Variants in CNTNAP2 observed in about 807,000 individuals in gnomAD.
CNTNAP2 encodes contactin-associated protein-like 2.
CNTNAP2 carries 98 observed loss-of-function variants against 155.2 expected under a neutral mutation model. That is an observed-to-expected ratio of 0.63 (90% CI 0.54 to 0.75). CNTNAP2 has a LOEUF of 0.75. Among genes scored for constraint, CNTNAP2 ranks in the 30% least tolerant of loss-of-function variants. The pLI, the probability that CNTNAP2 is intolerant of heterozygous loss-of-function variation, is 0.00. For missense variants in CNTNAP2, 1,727 were observed against 1,688.1 expected, an observed-to-expected ratio of 1.02 and a Z score of -0.40; for synonymous variants, 651 against 631.2, an observed-to-expected ratio of 1.03 and a Z score of -0.47.
At chr7:147,983,434 A>T (rs903638303) in intron 15 of CNTNAP2, among the ~76,000 whole-genome samples, 83 of 145,138 alleles carry the variant, frequency 5.7e-4, no homozygotes, top group African/African-American at 2.0e-3. Context: ...TACTGTTGAC[A>T]AAAAAAAAAT....
At chr7:146,622,956 CAAAAA>C (rs1285951271) in intron 1 of CNTNAP2, among the ~76,000 whole-genome samples, 1 of 83,202 alleles carries the variant, frequency 1.2e-5, no homozygotes, top group Non-Finnish European at 2.5e-5. Context: ...GACTCCATCT[CAAAAA>C]AAAAAAAGAA....
intron 10 of CNTNAP2, among the ~76,000 whole-genome samples, chr7:147,414,740 G>C (rs1249146781): frequency 1.3e-5 from 2 of 151,860 alleles, no homozygotes; most frequent in African/African-American, 2.4e-5. Context: ...AGGAGATCGA[G>C]ACTATCCTGG....
intron 21 of CNTNAP2, among the ~76,000 whole-genome samples, chr7:148,380,086 C>CTGAT (rs1320196122): frequency 5.3e-5 from 8 of 152,162 alleles, no homozygotes; most frequent in Non-Finnish European, 7.3e-5. Flanking sequence ...CATTAACGTA[C>CTGAT]TGATTGCCAC....
intron 2 of CNTNAP2, among the ~76,000 whole-genome samples, chr7:146,838,165 T>C (rs541662289): frequency 5.3e-4 from 81 of 152,308 alleles, no homozygotes; most frequent in Non-Finnish European, 9.6e-4. Flanking sequence ...GAACTCTGTT[T>C]GGGATCATCT....
At chr7:147,881,504 CG>C (rs1285560271) in intron 13 of CNTNAP2, among the ~76,000 whole-genome samples, 1 of 152,100 alleles carries the variant, frequency 6.6e-6, no homozygotes, top group African/African-American at 2.4e-5. Context: ...GGCTTCCACC[CG>C]CTGAGTAGTC....
intron 13 of CNTNAP2, among the ~76,000 whole-genome samples, chr7:147,884,562 G>A (rs1340230214): frequency 6.6e-6 from 1 of 151,850 alleles, no homozygotes; most frequent in Non-Finnish European, 1.5e-5. Flanking sequence ...ATACCAGCAG[G>A]TTAATCAAAA....
At chr7:147,241,657 G>C (rs1054897523) in intron 8 of CNTNAP2, among the ~76,000 whole-genome samples, 1 of 135,902 alleles carries the variant, frequency 7.4e-6, no homozygotes, top group Non-Finnish European at 1.6e-5. Context: ...AAAAAAAAAA[G>C]AAATTGTTTT....
chr7:148,263,122 C>T (rs1319096065), intron 20 of CNTNAP2: 1 of 150,224 alleles, frequency 6.7e-6, no homozygotes, highest in Admixed American at 6.6e-5. Context: ...GATCGGAGAA[C>T]GCTTTCCTCC....
Position 148,318,275 on chromosome 7 carries a change from C to CGGCTG in CNTNAP2, c.3475+51150_3475+51154dup, listed in dbSNP as rs575087126. ...AACCGCCCCCTGCAGAGAAGTCACC[C>CGGCTG]GGCTGTCGCCTGCTTGGCTTGCCCT... is the stretch of plus-strand genomic sequence containing the variant. On this transcript the variant is annotated intron_variant, in intron 21 of 23. Transcript: ENST00000361727. Among the ~76,000 whole-genome samples the CGGCTG allele has an allele frequency of 4.6e-5, 7 of 152,244 alleles. No individual in the cohort carries two copies. The South Asian group carries it at 8.3e-4, about 18-fold the overall frequency.
chr7:148,085,225 C>T (rs1054207324), intron 15 of CNTNAP2, among the ~76,000 whole-genome samples: 7 of 152,100 alleles, frequency 4.6e-5, no homozygotes, highest in African/African-American at 1.4e-4. Context: ...GTAAATACAT[C>T]GAGGTCTAAA....
At chr7:146,345,508 C>A (rs754802293) in intron 1 of CNTNAP2, among the ~76,000 whole-genome samples, 7 of 152,118 alleles carry the variant, frequency 4.6e-5, no homozygotes, top group Non-Finnish European at 1.0e-4. Context: ...ATCTTTATAG[C>A]ACAAAATGCT....
At chr7:146,841,902 G>C (rs1406428815) in intron 3 of CNTNAP2, among the ~76,000 whole-genome samples, 1 of 146,932 alleles carries the variant, frequency 6.8e-6, no homozygotes, top group Non-Finnish European at 1.5e-5. Context: ...TTTTTTTTGA[G>C]ACGGAATTTT....
chr7:147,063,401 G>A (rs1799720069), intron 4 of CNTNAP2, among the ~76,000 whole-genome samples: 1 of 152,028 alleles, frequency 6.6e-6, no homozygotes, highest in Non-Finnish European at 1.5e-5. Context: ...TTACACTAGA[G>A]GATAATTTTA....
intron 1 of CNTNAP2, among the ~76,000 whole-genome samples, chr7:146,361,896 T>G (rs1428789594): frequency 1.3e-5 from 2 of 152,230 alleles, no homozygotes; most frequent in African/African-American, 2.4e-5. Context: ...TTGTATTTTA[T>G]CATGAGCTGG....
At chr7:146,695,347 T>C (rs1800764568) in intron 1 of CNTNAP2, among the ~76,000 whole-genome samples, 1 of 152,202 alleles carries the variant, frequency 6.6e-6, no homozygotes, top group African/African-American at 2.4e-5. Context: ...GATATGATTG[T>C]ATGATATTTC....
At chr7:148,267,728 G>A (rs907769279) in intron 21 of CNTNAP2, among the ~76,000 whole-genome samples, 15 of 151,742 alleles carry the variant, frequency 9.9e-5, no homozygotes, top group African/African-American at 2.9e-4. Flanking sequence ...CTAAGTCAGC[G>A]ATGGTAATGG....
chr7:146,568,427 T>G (rs1033194832), intron 1 of CNTNAP2, among the ~76,000 whole-genome samples: 7 of 152,312 alleles, frequency 4.6e-5, no homozygotes, highest in Middle Eastern at 3.4e-3. Context: ...AGCAGTTTCT[T>G]TATATTGTCG....
chr7:148,003,012 G>A (rs947947517), intron 15 of CNTNAP2, among the ~76,000 whole-genome samples: 3 of 152,288 alleles, frequency 2.0e-5, no homozygotes, highest in South Asian at 4.1e-4. Context: ...TGATCAGCAC[G>A]GGGAGCAGTC....
At chr7:147,574,518 G>C (rs908839690) in intron 12 of CNTNAP2, among the ~76,000 whole-genome samples, 6 of 152,008 alleles carry the variant, frequency 3.9e-5, no homozygotes, top group Non-Finnish European at 8.8e-5. Context: ...TAAATTATTT[G>C]ATCACCTCAC....
Sources: allele counts gnomAD v4.1 joint callset (sites outside exome capture counted in the v4.1 genomes callset), GRCh38; gene constraint gnomAD v4.1.1; transcripts MANE v1.5; gene names NCBI Gene and HGNC (gene_info 2026-07-23, HGNC 2026-07-21).